EIF4E2: variants seen among roughly 807,000 people sequenced by gnomAD.
EIF4E2 encodes the protein eukaryotic translation initiation factor 4E type 2.
Under a neutral mutation model 34.2 loss-of-function variants are expected in EIF4E2, and 13 were observed. That is an observed-to-expected ratio of 0.38 (90% CI 0.25 to 0.60). The LOEUF (loss-of-function observed/expected upper bound fraction) is 0.60. EIF4E2 is among the 20% of genes least tolerant of loss of function. The pLI, the probability that EIF4E2 is intolerant of heterozygous loss-of-function variation, is 0.62. For synonymous variants in EIF4E2, 100 were observed against 106.6 expected, an observed-to-expected ratio of 0.94 and a Z score of 0.38; for missense variants, 222 against 315.1, an observed-to-expected ratio of 0.70 and a Z score of 2.24.
chr2:232,552,467 C>G (rs1692374389), intron 1 of EIF4E2, among the ~76,000 whole-genome samples: 1 of 152,158 alleles, frequency 6.6e-6, no homozygotes, highest in Non-Finnish European at 1.5e-5. Context: ...CACCTTGCCT[C>G]CTAAAGTGCT....
chr2:232,566,989 A>G lies in EIF4E2; in HGVS notation c.528+8A>G, dbSNP rs1402742727. 6.3e-7 allele frequency: 1 copy of G among 1,589,268 alleles called. No homozygotes were observed. The highest frequency in any genetic ancestry group is 2.2e-5 in the East Asian group (1 of 44,658). On this transcript the variant is annotated splice_region_variant and intron_variant, in intron 5 of 6. Transcript: ENST00000258416. The surrounding 1 kb of genome is among the most constrained non-coding windows in gnomAD (Gnocchi z 4.9). ...GTGTCTGTCCGCTTTCAGGTAAGCC[A>G]CCCATGAGCCAGGCTGGTTTCTTGT...
chr2:232,551,185 A>C (rs751590350), intron 1 of EIF4E2: 4 of 494,608 alleles, frequency 8.1e-6, no homozygotes, highest in South Asian at 6.2e-5. Context: ...GGACGGTAAC[A>C]CCCTTTGTCG....
chr2:232,575,488 A>G (rs1008565646), intron 6 of EIF4E2, among the ~76,000 whole-genome samples: 2 of 152,236 alleles, frequency 1.3e-5, no homozygotes. Context: ...AGTGCCTGGT[A>G]TCATGGCACA....
intron 3 of EIF4E2, among the ~76,000 whole-genome samples, chr2:232,561,875 T>A (rs1017408252): frequency 1.5e-4 from 11 of 74,386 alleles, no homozygotes; most frequent in African/African-American, 7.3e-4. Flanking sequence ...AATGCTTATT[T>A]TTTTTTTTGG....
intron 3 of EIF4E2, chr2:232,558,277 T>A (rs1042513585): frequency 1.9e-5 from 5 of 266,968 alleles, no homozygotes; most frequent in Non-Finnish European, 2.8e-5. Flanking sequence ...TGGGTTTTTT[T>A]ATTTTTATTT....
chr2:232,562,240 T>C (rs1171769520), intron 3 of EIF4E2, among the ~76,000 whole-genome samples: 5 of 150,802 alleles, frequency 3.3e-5, no homozygotes, highest in Non-Finnish European at 7.4e-5. Context: ...GAATGAATGA[T>C]AGTCTCGAGC....
At chr2:232,568,725 G>T (rs1172796976) in intron 6 of EIF4E2, 1 of 985,250 alleles carries the variant, frequency 1.0e-6, no homozygotes, top group Non-Finnish European at 1.2e-6. Flanking sequence ...ATATGTACAC[G>T]TCCTTACAGA....
chr2:232,563,968 C>T (rs911823072), intron 3 of EIF4E2, among the ~76,000 whole-genome samples: 3 of 152,190 alleles, frequency 2.0e-5, no homozygotes, highest in African/African-American at 7.2e-5. Context: ...AACATGGTTT[C>T]ACCAACTAAA....
In EIF4E2 at chr2:232,557,991, T is replaced by C; in HGVS notation, c.243T>C (p.Asn81=). 1 of 1,614,196 alleles carries C rather than the reference T, an allele frequency of 6.2e-7. No individual in the cohort carries two copies. The highest frequency in any genetic ancestry group is 1.1e-5 in the South Asian group (1 of 91,080). The change falls in exon 3 of 7, where the codon AAT becomes AAC. Residue 81 remains asparagine, a synonymous_variant. Coordinates refer to ENST00000258416, the MANE Select transcript of EIF4E2 (RefSeq NM_004846.4). ...RPTSSQSYEQ[N]IKQIGTFASV... ...CGAGCTCACAGAGCTATGAACAGAA[T>C]ATCAAACAGATTGGCACCTTTGCCT...
At chr2:232,563,982 C>A (rs944545342) in intron 3 of EIF4E2, among the ~76,000 whole-genome samples, 19 of 152,176 alleles carry the variant, frequency 1.2e-4, no homozygotes, top group Non-Finnish European at 2.1e-4. Flanking sequence ...AACTAAAGCT[C>A]CTGGCTGAGG....
downstream of EIF4E2, among the ~76,000 whole-genome samples, chr2:232,571,433 G>T (rs1693089042): frequency 6.6e-6 from 1 of 152,192 alleles, no homozygotes; most frequent in Admixed American, 6.5e-5. Flanking sequence ...AGTCAGAATC[G>T]TGGGGCTACC....
chr2:232,568,193 T>A, intron 6 of EIF4E2: 2 of 985,400 alleles, frequency 2.0e-6, no homozygotes, highest in Non-Finnish European at 2.4e-6. Context: ...GTTGTTATTA[T>A]TGAAGGCTAG....
At chr2:232,559,804 C>G (rs1692657301) in intron 3 of EIF4E2, among the ~76,000 whole-genome samples, 1 of 134,550 alleles carries the variant, frequency 7.4e-6, no homozygotes. Flanking sequence ...AATTAGCTGG[C>G]TTGGAGAAAA....
Position 232,566,385 on chromosome 2 carries a change from T to A in EIF4E2, c.376-444T>A, listed in dbSNP as rs531061057. 6.6e-6 allele frequency among the ~76,000 whole-genome samples: 1 copy of A among 152,174 alleles called. No homozygotes were observed. Among genetic ancestry groups the A allele is most frequent in the Non-Finnish European group, 1.5e-5 (1 of 68,036 alleles). On this transcript the variant is annotated intron_variant, in intron 4 of 6. Coordinates refer to ENST00000258416, the MANE Select transcript of EIF4E2 (RefSeq NM_004846.4). This position sits in a 1 kb window ranked among gnomAD's most constrained non-coding sequence, Gnocchi z 4.9. ...TTTTGTATTTTTAGTAGAGACGCGG[T>A]TTCACCGTGTCAGCCAGGATGGTCT...
intron 6 of EIF4E2, among the ~76,000 whole-genome samples, chr2:232,575,131 T>G (rs1022776191): frequency 6.6e-6 from 1 of 152,134 alleles, no homozygotes; most frequent in African/African-American, 2.4e-5. Context: ...CCCTAAGAAA[T>G]AGAGTAGTTG....
At position 232,567,036 on chromosome 2, in the gene EIF4E2, GC is replaced by G. The variant is rs757616302; in HGVS notation, c.529-38del. The G allele has an allele frequency of 1.2e-5, 20 of 1,602,450 alleles. No individual in the cohort carries two copies. In the South Asian group the frequency reaches 2.2e-4, roughly 18 times the overall value. On this transcript the variant is annotated intron_variant, in intron 5 of 6. Transcript: ENST00000258416. ...TTGTGTTGCCTTTGCTCTCCTCGCT[GC>G]CCCTGATTTGCTTTGATGATTCCTT...
chr2:232,571,082 G>A (rs976443128), downstream of EIF4E2, among the ~76,000 whole-genome samples: 3 of 152,182 alleles, frequency 2.0e-5, no homozygotes, highest in African/African-American at 7.2e-5. Flanking sequence ...CCTGATTCCT[G>A]CTTGCTATTT....
At chr2:232,556,732 A>G (rs190037989) in intron 2 of EIF4E2, 2 of 536,544 alleles carry the variant, frequency 3.7e-6, no homozygotes, top group East Asian at 3.2e-5. Context: ...GAATCTTGAG[A>G]TGCTGCCTTG....
intron 4 of EIF4E2, among the ~76,000 whole-genome samples, chr2:232,565,187 C>T (rs1692878207): frequency 6.6e-6 from 1 of 152,184 alleles, no homozygotes; most frequent in African/African-American, 2.4e-5. Flanking sequence ...TGATCTTGCA[C>T]CTCATTTACC....
Sources: gnomAD v4.1 joint callset for allele counts (sites outside exome capture counted in the v4.1 genomes callset) on GRCh38, gnomAD v4.1.1 for gene constraint, Gnocchi (gnomAD v3.1) non-coding constraint, MANE v1.5 for transcripts, NCBI Gene and HGNC (gene_info 2026-07-23, HGNC 2026-07-21) for gene names.